The following DCAF1 variants were observed in gnomAD, a reference collection of about 807,000 sequenced individuals.
DCAF1 encodes DDB1 and CUL4 associated factor 1.
A neutral mutation model predicts 128.0 loss-of-function variants in DCAF1; 15 were observed. The ratio of observed to expected loss-of-function variants is 0.12; its 90% confidence interval spans 0.08 to 0.18. DCAF1 has a LOEUF of 0.18. Ranked by LOEUF, DCAF1 falls within the 10% of genes least tolerant of loss-of-function variation. The pLI is 1.00. For synonymous variants in DCAF1, 610 were observed against 603.0 expected, an observed-to-expected ratio of 1.01 and a Z score of -0.17; for missense variants, 988 against 1,649.5, an observed-to-expected ratio of 0.60 and a Z score of 6.95.
upstream of DCAF1, among the ~76,000 whole-genome samples, chr3:51,502,268 T>C (rs1055348836): frequency 2.0e-5 from 3 of 152,124 alleles, no homozygotes; most frequent in Non-Finnish European, 4.4e-5. Flanking sequence ...GTCAGAGCAC[T>C]GTGGCTCATG....
At chr3:51,400,048 G>A (rs1186280858) in intron 24 of DCAF1, among the ~76,000 whole-genome samples, 1 of 152,190 alleles carries the variant, frequency 6.6e-6, no homozygotes, top group African/African-American at 2.4e-5. Flanking sequence ...ACCAAGAAAA[G>A]CATGGCAATG....
In DCAF1 at chr3:51,414,915, TAAAGAG is replaced by T. The variant is rs1276656715; in HGVS notation, c.3604-64_3604-59del. The T allele has an allele frequency of 8.3e-6, 13 of 1,557,634 alleles. No homozygotes were observed. The Admixed American group carries it at 1.6e-4, about 19-fold the overall frequency. On this transcript the variant is annotated intron_variant, in intron 18 of 24. Transcript: ENST00000684031. ...CAGACCAATCCATCCACTGACAAAT[TAAAGAG>T]AAAATGTGCAAAGCAGTTTCTAAAA...
intron 3 of DCAF1, among the ~76,000 whole-genome samples, chr3:51,478,086 C>G (rs1171354500): frequency 6.6e-6 from 1 of 152,164 alleles, no homozygotes; most frequent in African/African-American, 2.4e-5. Flanking sequence ...TCACTGCAGC[C>G]TCGACCTACC....
Position 51,470,919 on chromosome 3 carries a change from C to T in DCAF1, c.187+10G>A, listed in dbSNP as rs1297954283. Reference sequence around the variant, plus strand: ...AAAAAAAGACCCACACTTAAGAGCACAAATCTTACCAGGATGTCGATCATC... The same window carrying T: ...AAAAAAAGACCCACACTTAAGAGCATAAATCTTACCAGGATGTCGATCATC... On this transcript the variant is annotated intron_variant, in intron 4 of 24. Transcript: ENST00000684031. The T allele has an allele frequency of 2.5e-6, 4 of 1,576,364 alleles. No individual in the cohort carries two copies. Among genetic ancestry groups the T allele is most frequent in the African/African-American group, 2.7e-5 (2 of 74,026 alleles).
At chr3:51,418,261 G>A in intron 16 of DCAF1, 63 bp from the exon 17 acceptor site, 2 of 1,529,052 alleles carry the variant, frequency 1.3e-6, no homozygotes, top group South Asian at 1.3e-5. Context: ...GTCACTACCT[G>A]CCATTAGCAT....
intron 3 of DCAF1, among the ~76,000 whole-genome samples, chr3:51,476,630 C>A (rs1705487478): frequency 6.9e-6 from 1 of 144,516 alleles, no homozygotes; most frequent in Non-Finnish European, 1.5e-5. Context: ...GTAATCCCAG[C>A]ACTTTGGGAG....
intron 3 of DCAF1, among the ~76,000 whole-genome samples, chr3:51,472,045 G>C (rs1009275828): frequency 1.3e-5 from 2 of 151,980 alleles, no homozygotes; most frequent in Non-Finnish European, 2.9e-5. Context: ...CAGTCTCCTT[G>C]CTTCCTGCTT....
intron 12 of DCAF1, 102 bp from the exon 13 acceptor site, chr3:51,427,643 C>T: frequency 2.3e-6 from 1 of 443,766 alleles, no homozygotes; most frequent in Non-Finnish European, 4.1e-6. Context: ...ATTTTATTTA[C>T]TTATTTCAAG....
intron 2 of DCAF1, among the ~76,000 whole-genome samples, chr3:51,491,066 G>A (rs1553657765): frequency 3.3e-5 from 5 of 149,966 alleles, no homozygotes; most frequent in African/African-American, 9.8e-5. Flanking sequence ...AAACAAAGTC[G>A]GGGTCAGGCG....
chr3:51,451,933 G>GT (rs1207432918), intron 6 of DCAF1, among the ~76,000 whole-genome samples: 1 of 151,962 alleles, frequency 6.6e-6, no homozygotes, highest in African/African-American at 2.4e-5. Context: ...AGTAAACAGT[G>GT]TTTTTAAAAC....
Position 51,416,846 on chromosome 3 carries a change from C to T in DCAF1, c.3544G>A (p.Val1182Ile). Reference protein sequence around the residue: ...MKHSFTEDHYVEFSKHSQDRV... With the variant: ...MKHSFTEDHYIEFSKHSQDRV... ...TCCTGGGAGTGCTTACTGAACTCAA[C>T]ATAGTGATCTTCTGTGAAGGAATGC... The change falls in exon 18 of 25, where the codon GTT becomes ATT. Residue 1182 changes from valine to isoleucine, a missense_variant. Physicochemically the swap from Val to Ile is conservative, Grantham distance 29. Transcript: ENST00000684031. The T allele has an allele frequency of 1.2e-6, 2 of 1,610,906 alleles. No individual in the cohort carries two copies. Among genetic ancestry groups the T allele is most frequent in the South Asian group, 1.1e-5 (1 of 90,274 alleles).
At chr3:51,494,414 G>A (rs376417980) in intron 2 of DCAF1, among the ~76,000 whole-genome samples, 12 of 152,062 alleles carry the variant, frequency 7.9e-5, no homozygotes, top group Middle Eastern at 6.8e-3. Flanking sequence ...GCGCCCGGCC[G>A]AGGTTTCCTT....
chr3:51,500,133 A>G (rs1553663676), upstream of DCAF1: 9 of 131,362 alleles, frequency 6.9e-5, no homozygotes, highest in Non-Finnish European at 1.6e-4. Flanking sequence ...AAAAAAAAAA[A>G]AAAAAAAAAA....
intron 9 of DCAF1, 43 bp downstream of exon 9, chr3:51,440,927 T>A (rs1553638429): frequency 6.6e-7 from 1 of 1,522,756 alleles, no homozygotes; most frequent in Admixed American, 2.0e-5. Flanking sequence ...AAAACAAAGT[T>A]TTTAAAAAAT....
At chr3:51,448,036 T>C (rs1265030234) in intron 6 of DCAF1, among the ~76,000 whole-genome samples, 2 of 152,124 alleles carry the variant, frequency 1.3e-5, no homozygotes, top group Non-Finnish European at 2.9e-5. Context: ...GTGGCAAAGT[T>C]TGCTCTGTTT....
chr3:51,464,900 G>A (rs1359770401), intron 5 of DCAF1, among the ~76,000 whole-genome samples: 1 of 152,160 alleles, frequency 6.6e-6, no homozygotes, highest in Non-Finnish European at 1.5e-5. Context: ...GGCAAGAACT[G>A]AAACTGCAGA....
intron 3 of DCAF1, among the ~76,000 whole-genome samples, chr3:51,476,371 C>T (rs1705444836): frequency 6.7e-6 from 1 of 150,166 alleles, no homozygotes; most frequent in Non-Finnish European, 1.5e-5. Context: ...AGCCTGGGTG[C>T]GAGTGAGACT....
intron 9 of DCAF1, among the ~76,000 whole-genome samples, chr3:51,434,628 A>C (rs1386261105): frequency 6.6e-6 from 1 of 152,236 alleles, no homozygotes; most frequent in Admixed American, 6.5e-5. Flanking sequence ...CAACTAATGA[A>C]TTCCCAAAAT....
chr3:51,466,331 G>T (rs1175289466), intron 5 of DCAF1, among the ~76,000 whole-genome samples: 3 of 152,158 alleles, frequency 2.0e-5, no homozygotes, highest in African/African-American at 7.2e-5. Flanking sequence ...CAAGCATCAT[G>T]CCATCCCACC....
Sources: gnomAD v4.1 joint callset for allele counts (sites outside exome capture counted in the v4.1 genomes callset) on GRCh38, gnomAD v4.1.1 for gene constraint, MANE v1.5 for transcripts, NCBI Gene and HGNC (gene_info 2026-07-23, HGNC 2026-07-21) for gene names.